ROBO2: variants seen among roughly 807,000 people sequenced by gnomAD.
ROBO2 encodes roundabout homolog 2.
A neutral mutation model predicts 160.8 loss-of-function variants in ROBO2; 53 were observed. That is an observed-to-expected ratio of 0.33 (90% CI 0.26 to 0.41). ROBO2 has a LOEUF of 0.41. Ranked by LOEUF, ROBO2 falls within the 10% of genes least tolerant of loss-of-function variation. The pLI, the probability that ROBO2 is intolerant of heterozygous loss-of-function variation, is 1.00. For missense variants in ROBO2, 1,577 were observed against 1,722.4 expected, an observed-to-expected ratio of 0.92 and a Z score of 1.49; for synonymous variants, 664 against 611.7, an observed-to-expected ratio of 1.09 and a Z score of -1.26.
intron 2 of ROBO2, among the ~76,000 whole-genome samples, chr3:76,293,438 G>T (rs933165649): frequency 6.6e-6 from 1 of 152,154 alleles, no homozygotes; most frequent in Non-Finnish European, 1.5e-5. Context: ...CCCATATGCC[G>T]GGAGGTGAGT....
rs1303509837 is a variant in ROBO2, at chr3:77,221,848, CT to C, written c.388+123513del. ...ACTTTTTCTTTTTTCTTTTCTTTTTCTTTTTCTTTTTTTTTTTTTTTTTGAG... is the reference window on the plus strand; with the variant it reads ...ACTTTTTCTTTTTTCTTTTCTTTTTCTTTTCTTTTTTTTTTTTTTTTTGAG... On this transcript the variant is annotated intron_variant, in intron 2 of 25. Coordinates refer to ENST00000461745, the Ensembl canonical transcript of ROBO2. 9.6e-3 allele frequency among the ~76,000 whole-genome samples: 1,387 copies of C among 144,956 alleles called. 15 individuals are homozygous for C. Among genetic ancestry groups the C allele is most frequent in the Non-Finnish European group, 0.014 (899 of 66,360 alleles).
At chr3:76,611,071 G>A (rs903707003) in intron 2 of ROBO2, among the ~76,000 whole-genome samples, 1 of 152,134 alleles carries the variant, frequency 6.6e-6, no homozygotes, top group African/African-American at 2.4e-5. Flanking sequence ...ATTGGTTCAT[G>A]GGTGGGCGTG....
At chr3:77,207,342 C>A (rs2083567247) in intron 2 of ROBO2, among the ~76,000 whole-genome samples, 1 of 152,038 alleles carries the variant, frequency 6.6e-6, no homozygotes, top group Admixed American at 6.6e-5. Flanking sequence ...ACCAAAAATC[C>A]ATTCGGACAG....
At chr3:77,164,584 G>A (rs75489730) in intron 2 of ROBO2, among the ~76,000 whole-genome samples, 1 of 137,778 alleles carries the variant, frequency 7.3e-6, no homozygotes, top group Non-Finnish European at 1.6e-5. Context: ...GGAGGTGAGG[G>A]GCGCCTCTGC....
rs890141410 is a variant in ROBO2, at chr3:76,398,594, C to A, written c.109+460992C>A. Among the ~76,000 whole-genome samples the A allele has an allele frequency of 2.7e-4, 41 of 151,766 alleles. 1 individual carries two copies. The highest frequency in any genetic ancestry group is 9.9e-4 in the African/African-American group (41 of 41,366). Reference sequence around the variant, plus strand: ...ATACGTACCCTCTTCCATTTTCACACACTGTTGCACCTCTAGGCAGTATAC... The same window carrying A: ...ATACGTACCCTCTTCCATTTTCACAAACTGTTGCACCTCTAGGCAGTATAC... On this transcript the variant is annotated intron_variant, in intron 2 of 26. Coordinates refer to the ROBO2 transcript ENST00000487694.
At chr3:77,100,979 G>T (rs1362803205) in intron 2 of ROBO2, among the ~76,000 whole-genome samples, 2 of 152,190 alleles carry the variant, frequency 1.3e-5, no homozygotes, top group African/African-American at 4.8e-5. Context: ...TGTATTCGGA[G>T]AACTGCCAGG....
chr3:77,103,553 G>A (rs2150120604), intron 2 of ROBO2, among the ~76,000 whole-genome samples: 1 of 152,184 alleles, frequency 6.6e-6, no homozygotes, highest in East Asian at 1.9e-4. Flanking sequence ...GAACAGATGT[G>A]ATTCATAATT....
intron 2 of ROBO2, among the ~76,000 whole-genome samples, chr3:76,226,197 T>C (rs1559661761): frequency 6.6e-6 from 1 of 152,150 alleles, no homozygotes; most frequent in Admixed American, 6.6e-5. Flanking sequence ...GGTCAGAAAA[T>C]CTGTTTAACA....
At chr3:77,197,146 A>G (rs1014357305) in intron 2 of ROBO2, among the ~76,000 whole-genome samples, 1 of 152,192 alleles carries the variant, frequency 6.6e-6, no homozygotes, top group Admixed American at 6.5e-5. Flanking sequence ...CTTCCGTGTG[A>G]TTTCTCTTGA....
rs1479740005 is a variant in ROBO2, at chr3:77,135,752, C to T, written c.388+37412C>T. Reference sequence around the variant, plus strand: ...CAATGTTGACTGTAGAATGTTTCTGCCCTTTCTTCTCACTCACCTGAAGAA... The same window carrying T: ...CAATGTTGACTGTAGAATGTTTCTGTCCTTTCTTCTCACTCACCTGAAGAA... On this transcript the variant is annotated intron_variant, in intron 2 of 25. Coordinates refer to ENST00000461745, the Ensembl canonical transcript of ROBO2. 3.9e-5 allele frequency among the ~76,000 whole-genome samples: 6 copies of T among 152,170 alleles called. No homozygotes were observed. The East Asian group carries it at 1.2e-3, about 29-fold the overall frequency.
At chr3:76,252,212 T>C (rs1391637809) in intron 2 of ROBO2, among the ~76,000 whole-genome samples, 2 of 152,076 alleles carry the variant, frequency 1.3e-5, no homozygotes, top group Non-Finnish European at 2.9e-5. Flanking sequence ...GTATAGTGAA[T>C]ATGAATGGTG....
intron 2 of ROBO2, among the ~76,000 whole-genome samples, chr3:76,680,839 CA>C (rs1342137436): frequency 6.6e-6 from 1 of 152,036 alleles, no homozygotes; most frequent in East Asian, 1.9e-4. Flanking sequence ...TGCAGTGGCG[CA>C]ATCTCGCTCA....
intron 2 of ROBO2, among the ~76,000 whole-genome samples, chr3:77,432,690 A>T (rs961376519): frequency 6.6e-6 from 1 of 152,158 alleles, no homozygotes; most frequent in Admixed American, 6.5e-5. Context: ...CCAACTTTTC[A>T]GTGGGAGTGT....
At chr3:76,010,648 T>A (rs1411936142) in intron 2 of ROBO2, among the ~76,000 whole-genome samples, 1 of 152,224 alleles carries the variant, frequency 6.6e-6, no homozygotes, top group Admixed American at 6.5e-5. Context: ...TGTGAATATG[T>A]CCACATAATT....
chr3:76,276,165 A>C (rs1269543890), intron 2 of ROBO2, among the ~76,000 whole-genome samples: 1 of 152,044 alleles, frequency 6.6e-6, no homozygotes, highest in Non-Finnish European at 1.5e-5. Context: ...TGTATATTTT[A>C]ATCACTCATA....
At chr3:77,098,428 A>G (rs1191742117) in intron 2 of ROBO2, 88 bp downstream of exon 2, 28 of 1,330,230 alleles carry the variant, frequency 2.1e-5, no homozygotes, top group Non-Finnish European at 2.7e-5. Context: ...GCTGAAACCT[A>G]AAGAATCAAT....
chr3:76,894,655 G>A (rs976029076), intron 2 of ROBO2, among the ~76,000 whole-genome samples: 1 of 152,102 alleles, frequency 6.6e-6, no homozygotes. Flanking sequence ...TCTCATTTGA[G>A]TAGTTGTAGG....
At position 76,947,604 on chromosome 3, in the gene ROBO2, A is replaced by T. The variant is rs576460745; in HGVS notation, c.110-150410A>T. ...AAATTCCTGCAATCGATGACATGTG[A>T]CTGGTTTTTTCTTAGTTAACAATTT... On this transcript the variant is annotated intron_variant, in intron 2 of 26. Transcript: ENST00000487694. 1.5e-3 allele frequency among the ~76,000 whole-genome samples: 226 copies of T among 152,168 alleles called. 1 individual carries two copies. The highest frequency in any genetic ancestry group is 4.6e-3 in the African/African-American group (191 of 41,502).
chr3:76,965,436 A>G (rs1354795723), intron 2 of ROBO2, among the ~76,000 whole-genome samples: 1 of 152,150 alleles, frequency 6.6e-6, no homozygotes, highest in East Asian at 1.9e-4. Context: ...CAAATGCTTC[A>G]GCTCTTATTC....
Sources: allele counts gnomAD v4.1 joint callset (sites outside exome capture counted in the v4.1 genomes callset), GRCh38; gene constraint gnomAD v4.1.1; transcripts MANE v1.5; gene names NCBI Gene and HGNC (gene_info 2026-07-23, HGNC 2026-07-21).